Variants in CNOT2 observed in about 807,000 individuals in gnomAD.
CNOT2 encodes the protein CCR4-NOT transcription complex subunit 2.
CNOT2 carries 7 observed loss-of-function variants against 72.1 expected under a neutral mutation model. That is an observed-to-expected ratio of 0.10 (90% CI 0.06 to 0.18). The LOEUF (loss-of-function observed/expected upper bound fraction) is 0.18. Ranked by LOEUF, CNOT2 falls within the 10% of genes least tolerant of loss-of-function variation. CNOT2 has a pLI of 1.00. For synonymous variants in CNOT2, 196 were observed against 225.6 expected (o/e 0.87, Z 1.17); for missense variants, 345 against 660.3 (o/e 0.52, Z 5.23).
intron 2 of CNOT2, chr12:70,278,475 A>G (rs1356580987): frequency 2.2e-6 from 1 of 458,122 alleles, no homozygotes; most frequent in Non-Finnish European, 3.9e-6. Context: ...TTCATAATGT[A>G]TATTTTTTAG....
intron 1 of CNOT2, among the ~76,000 whole-genome samples, chr12:70,267,978 CT>C (rs997454795): frequency 6.6e-6 from 1 of 152,192 alleles, no homozygotes; most frequent in Non-Finnish European, 1.5e-5. Context: ...CTATCTGGCC[CT>C]TTACAAAGTA....
At position 70,354,142 on chromosome 12, in the gene CNOT2, G is replaced by T. The variant is rs1883215716; in HGVS notation, c.*227G>T. 1.2e-6 allele frequency: 1 copy of T among 808,068 alleles called. No individual in the cohort carries two copies. Among genetic ancestry groups the T allele is most frequent in the Admixed American group, 4.0e-5 (1 of 25,256 alleles). 50.1% of individuals were successfully genotyped at this position (808,068 alleles called of 1,614,324 possible). A position where few individuals can be genotyped will look rare whatever the true frequency, so the allele number is the denominator to read the frequency against. ...AATTTGTTTTTCTCTAGTTTGAGCA[G>T]GGTCTGAATTTTTTCATTTATTTCC... On this transcript the variant is annotated 3_prime_UTR_variant, in exon 16 of 16. Transcript: ENST00000229195.
chr12:70,260,265 C>CT (rs927741520), intron 1 of CNOT2, among the ~76,000 whole-genome samples: 9 of 150,754 alleles, frequency 6.0e-5, no homozygotes, highest in East Asian at 1.9e-4. Context: ...TATTTAATTT[C>CT]TTTTTTTTTA....
intron 1 of CNOT2, among the ~76,000 whole-genome samples, chr12:70,256,028 C>T (rs7298342): frequency 0.21 from 31,600 of 152,012 alleles, 3,652 homozygotes; most frequent in African/African-American, 0.31. Flanking sequence ...ATTATTACCA[C>T]ACTTTAGAAC....
intron 1 of CNOT2, among the ~76,000 whole-genome samples, chr12:70,277,704 A>G (rs769387439): frequency 2.6e-5 from 4 of 152,214 alleles, no homozygotes; most frequent in African/African-American, 7.2e-5. Context: ...TTGTATTTCT[A>G]TCTATCATAT....
At chr12:70,326,807 C>G (rs1023592782) in intron 4 of CNOT2, among the ~76,000 whole-genome samples, 1 of 151,738 alleles carries the variant, frequency 6.6e-6, no homozygotes, top group Non-Finnish European at 1.5e-5. Flanking sequence ...CAAAATTAAA[C>G]TTAGACTTTT....
chr12:70,254,238 A>T (rs1454143849), intron 1 of CNOT2, among the ~76,000 whole-genome samples: 1 of 678 alleles, frequency 1.5e-3, no homozygotes, highest in Non-Finnish European at 5.0e-3. Flanking sequence ...ACTCTGTCTC[A>T]AAAAAAAAAA....
chr12:70,338,689 G>A lies in CNOT2; in HGVS notation c.1045G>A (p.Gly349Arg), dbSNP rs1159371973. The A allele has an allele frequency of 1.2e-6, 2 of 1,613,166 alleles. No individual in the cohort carries two copies. Among genetic ancestry groups the A allele is most frequent in the South Asian group, 1.1e-5 (1 of 91,022 alleles). Reference protein sequence around the residue: ...PDGRVTNIPQGMVTDQFGMIG... With the variant: ...PDGRVTNIPQRMVTDQFGMIG... ...AGGTCGGGTTACTAACATTCCTCAA[G>A]GGATGGTGACGGACCAATTTGGAAT... Residue 349 changes from glycine to arginine, a missense_variant, in exon 11 of 16, where the codon GGG becomes AGG. This residue lies in a region of CNOT2 where 128 missense variants were observed against 233.0 expected (regional missense o/e 0.55). Transcript: ENST00000229195.
chr12:70,283,467 TGATAGATAGATAGATAGATA>T (rs3049214), intron 2 of CNOT2, among the ~76,000 whole-genome samples: 2 of 142,458 alleles, frequency 1.4e-5, no homozygotes. Flanking sequence ...GTCAGTCGAT[TGATAGATAGATAGATAGATA>T]GATAGATAGA....
At chr12:70,260,268 T>C (rs1251772107) in intron 1 of CNOT2, among the ~76,000 whole-genome samples, 1 of 152,110 alleles carries the variant, frequency 6.6e-6, no homozygotes, top group Non-Finnish European at 1.5e-5. Context: ...TTAATTTCTT[T>C]TTTTTTAATC....
At chr12:70,265,287 TCTC>T (rs977490929) in intron 1 of CNOT2, among the ~76,000 whole-genome samples, 11 of 136,508 alleles carry the variant, frequency 8.1e-5, no homozygotes, top group African/African-American at 3.1e-4. Context: ...TCTCTTCTCT[TCTC>T]TTCTCTTCTC....
chr12:70,297,701 T>C (rs960612140), intron 2 of CNOT2: 3 of 309,548 alleles, frequency 9.7e-6, no homozygotes, highest in South Asian at 2.5e-5. Flanking sequence ...TTAGTAGTTA[T>C]TTCTACTTAT....
chr12:70,265,327 T>TCTCTTCTCTTCTCTTCTCGTC (rs200497693), intron 1 of CNOT2, among the ~76,000 whole-genome samples: 2 of 129,184 alleles, frequency 1.5e-5, no homozygotes, highest in Non-Finnish European at 3.4e-5. Flanking sequence ...TCTCTTCTCT[T>TCTCTTCTCTTCTCTTCTCGTC]TCTTTCTTTT....
At chr12:70,249,872 C>A in intron 1 of CNOT2, among the ~76,000 whole-genome samples, 1 of 151,994 alleles carries the variant, frequency 6.6e-6, no homozygotes, top group African/African-American at 2.4e-5. Context: ...AATCATATGC[C>A]GAACAGATTA....
chr12:70,337,575 T>C, intron 9 of CNOT2, 62 bp downstream of exon 9: 1 of 1,493,142 alleles, frequency 6.7e-7, no homozygotes, highest in Non-Finnish European at 9.3e-7. Flanking sequence ...TTCTCTTATA[T>C]TAACAATTAC....
intron 4 of CNOT2, among the ~76,000 whole-genome samples, chr12:70,320,197 A>T (rs1178830660): frequency 6.6e-6 from 1 of 151,712 alleles, no homozygotes; most frequent in Non-Finnish European, 1.5e-5. Flanking sequence ...ACATTATAGG[A>T]TAATTGAATA....
chr12:70,346,414 G>C (rs3817487), intron 15 of CNOT2, 90 bp downstream of exon 15: 1 of 1,027,262 alleles, frequency 9.7e-7, no homozygotes, highest in East Asian at 2.5e-5. Flanking sequence ...AATACATCCA[G>C]TTCCAGTAAT....
At chr12:70,263,820 T>C (rs899434969) in intron 1 of CNOT2, among the ~76,000 whole-genome samples, 6 of 152,180 alleles carry the variant, frequency 3.9e-5, no homozygotes, top group Non-Finnish European at 7.3e-5. Flanking sequence ...TACTGATCTT[T>C]CTTCTCCTTT....
At chr12:70,342,471 T>TA (rs1881637466) in intron 13 of CNOT2, 164 bp downstream of exon 13, 2 of 773,544 alleles carry the variant, frequency 2.6e-6, no homozygotes, top group Non-Finnish European at 3.9e-6. Context: ...TTAGGACTGG[T>TA]AAAAAATAAA....
Sources: gnomAD v4.1 joint callset for allele counts (sites outside exome capture counted in the v4.1 genomes callset) on GRCh38, gnomAD v4.1.1 for gene constraint, gnomAD v4.1.1 regional missense constraint, MANE v1.5 for transcripts, NCBI Gene and HGNC (gene_info 2026-07-23, HGNC 2026-07-21) for gene names.